Variants in SMAP1 observed in about 807,000 individuals in gnomAD.
The protein encoded by SMAP1 is stromal membrane-associated protein 1.
In SMAP1, 24 loss-of-function variants were observed where a neutral mutation model predicts 58.5. The observed-to-expected ratio is 0.41, with a 90% CI of 0.30 to 0.58. The LOEUF (loss-of-function observed/expected upper bound fraction) is 0.58. Ranked by LOEUF, SMAP1 falls within the 20% of genes least tolerant of loss-of-function variation. The probability of loss-of-function intolerance (pLI) is 0.29; values close to 1 mark genes in which losing one functional copy is unlikely to be tolerated. For missense variants in SMAP1, 563 were observed against 566.3 expected (o/e 0.99, Z 0.06); for synonymous variants, 216 against 196.6 (o/e 1.10, Z -0.82).
chr6:70,789,074 G>A (rs929139297), intron 4 of SMAP1, among the ~76,000 whole-genome samples: 1 of 152,068 alleles, frequency 6.6e-6, no homozygotes, highest in African/African-American at 2.4e-5. Flanking sequence ...TTACCCCTGT[G>A]TTCTGTACTG....
chr6:70,725,557 T>A (rs911497360), intron 1 of SMAP1, among the ~76,000 whole-genome samples: 3 of 152,208 alleles, frequency 2.0e-5, no homozygotes, highest in Admixed American at 1.3e-4. Flanking sequence ...GGTTTGTTCC[T>A]TGTTTCCTGC....
intron 1 of SMAP1, among the ~76,000 whole-genome samples, chr6:70,725,093 G>GATTTTTTTTTTTTTTTTTTTT (rs1768710050): frequency 2.1e-5 from 1 of 47,778 alleles, no homozygotes. Flanking sequence ...ATTAACCAGT[G>GATTTTTTTTTTTTTTTTTTTT]TTTTTTTTTT....
intron 6 of SMAP1, among the ~76,000 whole-genome samples, chr6:70,828,829 G>A (rs1181604711): frequency 1.3e-5 from 2 of 152,150 alleles, no homozygotes; most frequent in African/African-American, 2.4e-5. Flanking sequence ...AGTGGTGATT[G>A]CTCCACTGTA....
At chr6:70,696,180 T>C (rs988312574) in intron 1 of SMAP1, among the ~76,000 whole-genome samples, 3 of 152,064 alleles carry the variant, frequency 2.0e-5, no homozygotes, top group Non-Finnish European at 2.9e-5. Context: ...CTGGCTTATC[T>C]TTTGCTTATC....
intron 4 of SMAP1, among the ~76,000 whole-genome samples, chr6:70,780,220 C>T (rs1294964727): frequency 6.6e-6 from 1 of 152,164 alleles, no homozygotes; most frequent in African/African-American, 2.4e-5. Context: ...TAGAATGAGT[C>T]TACCTCCCTT....
intron 3 of SMAP1, among the ~76,000 whole-genome samples, chr6:70,768,439 G>T (rs1013931642): frequency 6.6e-6 from 1 of 152,150 alleles, no homozygotes; most frequent in African/African-American, 2.4e-5. Flanking sequence ...CCTGTTATTG[G>T]TCTGTTCAGA....
intron 1 of SMAP1, among the ~76,000 whole-genome samples, chr6:70,712,264 T>C (rs1270814895): frequency 6.6e-6 from 1 of 152,244 alleles, no homozygotes; most frequent in Non-Finnish European, 1.5e-5. Flanking sequence ...AAGCCAACCT[T>C]ATATCCCAGA....
intron 5 of SMAP1, among the ~76,000 whole-genome samples, chr6:70,797,766 A>G (rs1768668454): frequency 6.6e-6 from 1 of 152,076 alleles, no homozygotes; most frequent in African/African-American, 2.4e-5. Flanking sequence ...CATGTTTATC[A>G]TGTTGCCTTC....
intron 6 of SMAP1, among the ~76,000 whole-genome samples, chr6:70,835,534 C>A (rs145947651): frequency 6.6e-6 from 1 of 152,192 alleles, no homozygotes; most frequent in East Asian, 1.9e-4. Flanking sequence ...GAGATGGGGT[C>A]TTACTCTGTT....
chr6:70,785,096 A>G lies in SMAP1; in HGVS notation c.415-6593A>G, dbSNP rs557205965. Among the ~76,000 whole-genome samples the G allele has an allele frequency of 5.9e-5, 9 of 152,348 alleles. No individual in the cohort carries two copies. In the South Asian group the frequency reaches 8.3e-4, roughly 14 times the overall value. The stretch of plus-strand genomic sequence containing the variant: ...AATGTAAAAGAACAGAGATTATAAC[A>G]AACTGTCTCTCAGACCACAGTGCAA... On this transcript the variant is annotated intron_variant, in intron 4 of 10. Coordinates refer to ENST00000370455, the MANE Select transcript of SMAP1 (RefSeq NM_001044305.3).
chr6:70,860,812 C>CTTAT lies in SMAP1; in HGVS notation c.*481_*484dup, dbSNP rs1378870023. On this transcript the variant is annotated 3_prime_UTR_variant, in exon 11 of 11. Transcript: ENST00000370455. ...CTGTTTTCTAGTGTATCAAAATGCT[C>CTTAT]TTATTTCATCATTCACTTCACTGTG... The CTTAT allele has an allele frequency of 7.3e-5, 29 of 397,410 alleles. No homozygotes were observed. The highest frequency in any genetic ancestry group is 5.4e-4 in the African/African-American group (26 of 48,480). 24.6% of individuals were successfully genotyped at this position (397,410 alleles called of 1,614,324 possible).
At chr6:70,842,967 GATT>G (rs1770857465) in intron 7 of SMAP1, among the ~76,000 whole-genome samples, 1 of 152,112 alleles carries the variant, frequency 6.6e-6, no homozygotes, top group African/African-American at 2.4e-5. Context: ...GTCAGAATTG[GATT>G]ATATTACCTC....
Position 70,755,070 on chromosome 6 carries a change from C to A in SMAP1, c.338+5C>A. The stretch of plus-strand genomic sequence containing the variant: ...TCGAAGACCACAGACAGATCAGTAT[C>A]CTTTAAAACTTATTTGTTTTGAGTT... On this transcript the variant is annotated splice_donor_5th_base_variant and intron_variant, in intron 3 of 10. Transcript: ENST00000370455. 1 of 1,594,650 alleles carries A rather than the reference C, an allele frequency of 6.3e-7. No homozygotes were observed. The highest frequency in any genetic ancestry group is 8.6e-7 in the Non-Finnish European group (1 of 1,167,216).
At position 70,836,974 on chromosome 6, in the gene SMAP1, A is replaced by G. The variant is rs1171299926; in HGVS notation, c.610A>G (p.Lys204Glu). ...GAAAGATCAGCAACTGGAGCCTAAA[A>G]AAAGTACCAGCCCTAAAAAAGCTGC... ...QKKDQQLEPKKSTSPKKAAEP... is the reference protein window; with the variant it reads ...QKKDQQLEPKESTSPKKAAEP... The change falls in exon 7 of 11, where the codon AAA (lysine) becomes GAA (glutamate). Residue 204 changes from lysine to glutamate, a missense_variant. Coordinates refer to ENST00000370455, the MANE Select transcript of SMAP1 (RefSeq NM_001044305.3). 14 of 1,603,122 alleles carry G rather than the reference A, an allele frequency of 8.7e-6. No individual in the cohort carries two copies. In the African/African-American group the frequency reaches 1.7e-4, roughly 20 times the overall value.
chr6:70,696,078 A>C (rs536180570), intron 1 of SMAP1, among the ~76,000 whole-genome samples: 32 of 152,218 alleles, frequency 2.1e-4, no homozygotes, highest in African/African-American at 7.7e-4. Context: ...TTCTCATAGT[A>C]GCCTCTAATG....
Position 70,798,687 on chromosome 6 carries a change from A to G in SMAP1, c.526A>G (p.Lys176Glu), listed in dbSNP as rs1218361409. The change falls in exon 6 of 11, where the codon AAG (lysine) becomes GAG (glutamate). Residue 176 changes from lysine to glutamate, a missense_variant. Around this residue, in one of 3 missense-constraint regions of SMAP1, gnomAD observed 494 missense variants for 473.8 expected, o/e 1.04. Coordinates refer to ENST00000370455, the MANE Select transcript of SMAP1 (RefSeq NM_001044305.3). ...AAAGGAAAAAAAAAAGGAAGAGAAAAAGAGAGAAAAGGAGCCAGAAAAGCC... is the reference window on the plus strand; with the variant it reads ...AAAGGAAAAAAAAAAGGAAGAGAAAGAGAGAGAAAAGGAGCCAGAAAAGCC... ...KEKEKKKEEK[K>E]REKEPEKPAK... 6.4e-7 allele frequency: 1 copy of G among 1,553,464 alleles called. No individual in the cohort carries two copies.
At chr6:70,817,116 T>G (rs1769666056) in intron 6 of SMAP1, among the ~76,000 whole-genome samples, 1 of 148,400 alleles carries the variant, frequency 6.7e-6, no homozygotes. Flanking sequence ...AAAACTGTAT[T>G]AGAATATATA....
intron 1 of SMAP1, among the ~76,000 whole-genome samples, chr6:70,708,288 G>A (rs1268618298): frequency 6.6e-6 from 1 of 152,132 alleles, no homozygotes; most frequent in African/African-American, 2.4e-5. Context: ...TGTCTCAAGT[G>A]GTGGGTTCTC....
At chr6:70,766,695 T>C (rs558330759) in intron 3 of SMAP1, among the ~76,000 whole-genome samples, 1 of 152,322 alleles carries the variant, frequency 6.6e-6, no homozygotes, top group South Asian at 2.1e-4. Context: ...ATTTTGTAGG[T>C]TGCCTGTTCA....
Sources: gnomAD v4.1 joint callset for allele counts (sites outside exome capture counted in the v4.1 genomes callset) on GRCh38, gnomAD v4.1.1 for gene constraint, gnomAD v4.1.1 regional missense constraint, MANE v1.5 for transcripts, NCBI Gene and HGNC (gene_info 2026-07-23, HGNC 2026-07-21) for gene names.